Variants in DAG1 observed in about 807,000 individuals in gnomAD.
DAG1 encodes dystroglycan 1, also known as dystroglycan 1 (dystrophin-associated glycoprotein 1).
In DAG1, 8 loss-of-function variants were observed where a neutral mutation model predicts 46.1. That is an observed-to-expected ratio of 0.17 (90% CI 0.10 to 0.31). DAG1 has a LOEUF of 0.31. Among genes scored for constraint, DAG1 ranks in the 10% least tolerant of loss-of-function variants. The pLI is 1.00. For synonymous variants in DAG1, 495 were observed against 481.8 expected (o/e 1.03, Z -0.36); for missense variants, 1,003 against 1,189.9 (o/e 0.84, Z 2.31).
chr3:49,474,291 T>C (rs2049613898), intron 1 of DAG1, among the ~76,000 whole-genome samples: 1 of 152,076 alleles, frequency 6.6e-6, no homozygotes, highest in South Asian at 2.1e-4. Context: ...CCTGACCTTG[T>C]GGTCTGCCCG....
rs2051466876 is a variant in DAG1 at position 49,534,850 on chromosome 3, TTGAG to T, written c.*1652_*1655del. ...TCGCAATAATGTATCCATTCCCTGATTGAGGGTGGGTGGGTGGACCCAGGCTCCC... is the reference window on the plus strand; with the variant it reads ...TCGCAATAATGTATCCATTCCCTGATGGTGGGTGGGTGGACCCAGGCTCCC... On this transcript the variant is annotated 3_prime_UTR_variant, in exon 3 of 3. Coordinates refer to ENST00000308775, the MANE Select transcript of DAG1 (RefSeq NM_004393.6). 1 of 153,784 alleles carries T rather than the reference TTGAG, an allele frequency of 6.5e-6. No homozygotes were observed. The highest frequency in any genetic ancestry group is 1.4e-5 in the Non-Finnish European group (1 of 69,000). The allele number at this position is 153,784 out of a possible 1,614,324, so 9.5% of individuals were successfully genotyped here.
At chr3:49,525,005 T>C (rs1192003082) in intron 2 of DAG1, among the ~76,000 whole-genome samples, 1 of 151,710 alleles carries the variant, frequency 6.6e-6, no homozygotes, top group African/African-American at 2.4e-5. Flanking sequence ...ATATAAAGAA[T>C]CATTGCCACT....
At chr3:49,502,581 T>G (rs2107541423) in intron 1 of DAG1, among the ~76,000 whole-genome samples, 1 of 152,156 alleles carries the variant, frequency 6.6e-6, no homozygotes, top group South Asian at 2.1e-4. Flanking sequence ...TATCTCACAT[T>G]GATGACAGGA....
intron 1 of DAG1, among the ~76,000 whole-genome samples, chr3:49,489,636 A>G (rs528769829): frequency 2.2e-4 from 33 of 152,292 alleles, no homozygotes; most frequent in Admixed American, 7.2e-4. Flanking sequence ...ATCTTAAGAA[A>G]ACATAGCTCA....
intron 2 of DAG1, among the ~76,000 whole-genome samples, chr3:49,525,138 A>G (rs1241534512): frequency 6.6e-6 from 1 of 151,840 alleles, no homozygotes; most frequent in Non-Finnish European, 1.5e-5. Flanking sequence ...CTGGAGATGC[A>G]GGGGTTTTAG....
intron 1 of DAG1, among the ~76,000 whole-genome samples, chr3:49,479,952 C>G (rs1373564622): frequency 1.1e-5 from 1 of 90,692 alleles, no homozygotes; most frequent in Non-Finnish European, 2.3e-5. Flanking sequence ...ATATAACATT[C>G]TTTTTTTTTT....
intron 2 of DAG1, among the ~76,000 whole-genome samples, chr3:49,529,504 C>A (rs985457030): frequency 1.3e-5 from 2 of 152,130 alleles, no homozygotes; most frequent in Admixed American, 6.5e-5. Context: ...GCCCAGGGAA[C>A]CAGAGGCACT....
intron 2 of DAG1, among the ~76,000 whole-genome samples, chr3:49,528,192 C>T (rs535300450): frequency 1.3e-5 from 2 of 149,578 alleles, no homozygotes; most frequent in South Asian, 2.1e-4. Context: ...TGTTTATATA[C>T]GGATGTGGCA....
rs2050784380 is a variant in DAG1, at chr3:49,512,384, T to G, written c.285+1565T>G. On this transcript the variant is annotated intron_variant, in intron 2 of 2. Transcript: ENST00000308775. ...CGCCCAGCTAATTTTTAAATTTTAA[T>G]TTATTTTAATTAATTAATTAATTTT... Among the ~76,000 whole-genome samples the G allele has an allele frequency of 3.3e-5, 5 of 151,542 alleles. No individual in the cohort carries two copies. The South Asian group carries it at 1.0e-3, about 32-fold the overall frequency.
intron 2 of DAG1, among the ~76,000 whole-genome samples, chr3:49,527,735 A>G (rs1247779244): frequency 6.6e-6 from 1 of 151,938 alleles, no homozygotes; most frequent in East Asian, 1.9e-4. Flanking sequence ...AGTTGAAGAC[A>G]GACTTGGAGA....
At chr3:49,477,091 G>A (rs937530472) in intron 1 of DAG1, among the ~76,000 whole-genome samples, 1 of 151,636 alleles carries the variant, frequency 6.6e-6, no homozygotes, top group South Asian at 2.1e-4. Context: ...TTTGCCTCCC[G>A]GGTTCAAGCA....
chr3:49,492,466 G>A (rs2050214549), intron 1 of DAG1, among the ~76,000 whole-genome samples: 1 of 152,054 alleles, frequency 6.6e-6, no homozygotes, highest in South Asian at 2.1e-4. Flanking sequence ...GGGCAACGTG[G>A]TAAGGCCCCA....
chr3:49,491,690 A>G (rs2050189583), intron 1 of DAG1, among the ~76,000 whole-genome samples: 1 of 151,864 alleles, frequency 6.6e-6, no homozygotes, highest in Admixed American at 6.6e-5. Flanking sequence ...GTTAGTCAGG[A>G]TGGTCTCGAT....
chr3:49,525,559 C>CT (rs66961854), intron 2 of DAG1, among the ~76,000 whole-genome samples: 2,906 of 140,392 alleles, frequency 0.021, 54 homozygotes, highest in African/African-American at 0.055. Flanking sequence ...GTGCTACACA[C>CT]TTTTTTTTTT....
chr3:49,490,081 C>G (rs958417353), intron 1 of DAG1, among the ~76,000 whole-genome samples: 1 of 152,128 alleles, frequency 6.6e-6, no homozygotes, highest in African/African-American at 2.4e-5. Flanking sequence ...TGGCTGGGCG[C>G]GGTGGCTTAC....
In DAG1 at chr3:49,473,602, G is replaced by A. The variant is rs1366351073; in HGVS notation, c.-117+3169G>A. Among the ~76,000 whole-genome samples, 8 of 151,394 alleles carry A rather than the reference G, an allele frequency of 5.3e-5. No homozygotes were observed. In the East Asian group the frequency reaches 7.8e-4, roughly 15 times the overall value. On this transcript the variant is annotated intron_variant, in intron 1 of 2. Coordinates refer to ENST00000308775, the MANE Select transcript of DAG1 (RefSeq NM_004393.6). ...TTCTTCCTTTTTTTTTTTTGAGACG[G>A]AGTCTTGCTCTGTCACATCACCTAG...
chr3:49,525,231 C>T (rs1383526962), intron 2 of DAG1, among the ~76,000 whole-genome samples: 1 of 152,188 alleles, frequency 6.6e-6, no homozygotes, highest in East Asian at 1.9e-4. Flanking sequence ...TAGATCTAGA[C>T]ACCTGTCCTG....
chr3:49,482,984 G>T (rs1419479162), intron 1 of DAG1, among the ~76,000 whole-genome samples: 1 of 152,108 alleles, frequency 6.6e-6, no homozygotes, highest in Admixed American at 6.6e-5. Context: ...TTGTTCTCCA[G>T]GGATAGATTG....
At chr3:49,513,663 G>A (rs2050820386) in intron 2 of DAG1, among the ~76,000 whole-genome samples, 1 of 152,104 alleles carries the variant, frequency 6.6e-6, no homozygotes, top group African/African-American at 2.4e-5. Flanking sequence ...GTGACCTTGT[G>A]GTCTCTGGGG....
Sources: gnomAD v4.1 joint callset for allele counts (sites outside exome capture counted in the v4.1 genomes callset) on GRCh38, gnomAD v4.1.1 for gene constraint, MANE v1.5 for transcripts, NCBI Gene and HGNC (gene_info 2026-07-23, HGNC 2026-07-21) for gene names.